Variants in RNF216 observed in about 807,000 individuals in gnomAD.
RNF216 encodes the protein ring finger protein 216, also known as E3 ubiquitin-protein ligase RNF216.
RNF216 carries 72 observed loss-of-function variants against 110.8 expected under a neutral mutation model. The ratio of observed to expected loss-of-function variants is 0.65; its 90% confidence interval spans 0.54 to 0.79. The LOEUF (loss-of-function observed/expected upper bound fraction) is 0.79. Ranked by LOEUF, RNF216 falls within the 30% of genes least tolerant of loss-of-function variation. The pLI, the probability that RNF216 is intolerant of heterozygous loss-of-function variation, is 0.00. For missense variants in RNF216, 1,342 were observed against 1,141.2 expected (o/e 1.18, Z -2.54); for synonymous variants, 495 against 407.5 (o/e 1.21, Z -2.59).
intron 14 of RNF216, among the ~76,000 whole-genome samples, chr7:5,651,541 T>C (rs1442491608): frequency 6.6e-6 from 1 of 152,094 alleles, no homozygotes; most frequent in Non-Finnish European, 1.5e-5. Flanking sequence ...TGTGAGACAA[T>C]CTCTGAATAA....
At chr7:5,667,254 C>T (rs909002490) in intron 13 of RNF216, among the ~76,000 whole-genome samples, 2 of 152,150 alleles carry the variant, frequency 1.3e-5, no homozygotes, top group African/African-American at 4.8e-5. Context: ...TGTTTCTGTT[C>T]CACCTATATT....
chr7:5,773,729 G>C (rs1298474044), intron 1 of RNF216, among the ~76,000 whole-genome samples: 1 of 151,952 alleles, frequency 6.6e-6, no homozygotes, highest in African/African-American at 2.4e-5. Flanking sequence ...CCACCATGCT[G>C]GTTAATTTTT....
intron 13 of RNF216, among the ~76,000 whole-genome samples, chr7:5,702,309 T>C (rs1475709409): frequency 1.3e-5 from 2 of 152,160 alleles, no homozygotes; most frequent in African/African-American, 4.8e-5. Context: ...GCTTCTACCA[T>C]TAGCATCTGA....
Position 5,622,438 on chromosome 7 carries a change from A to T in RNF216, c.*422T>A. ...CCTGAGCAATGCTTCCCAGGCCCGCAGGTGCAGCCCCCTCTGCCCTTGGCC... is the reference window on the plus strand; with the variant it reads ...CCTGAGCAATGCTTCCCAGGCCCGCTGGTGCAGCCCCCTCTGCCCTTGGCC... On this transcript the variant is annotated 3_prime_UTR_variant, in exon 17 of 17. Transcript: ENST00000389902. 6.1e-6 allele frequency: 1 copy of T among 163,056 alleles called. No individual in the cohort carries two copies. The highest frequency in any genetic ancestry group is 1.3e-5 in the Non-Finnish European group (1 of 75,570). 10.1% of individuals were successfully genotyped at this position (163,056 alleles called of 1,614,324 possible).
chr7:5,712,074 G>A (rs1792737559), intron 12 of RNF216, among the ~76,000 whole-genome samples: 1 of 152,112 alleles, frequency 6.6e-6, no homozygotes, highest in South Asian at 2.1e-4. Context: ...CAATAAACAC[G>A]TCCCAACCTT....
intron 9 of RNF216, among the ~76,000 whole-genome samples, chr7:5,717,007 A>G (rs911185921): frequency 3.3e-5 from 5 of 152,198 alleles, no homozygotes; most frequent in African/African-American, 1.2e-4. Context: ...GCTGACACAT[A>G]AAACACTTTG....
At chr7:5,763,091 G>T (rs1005442017) in intron 1 of RNF216, among the ~76,000 whole-genome samples, 1 of 152,048 alleles carries the variant, frequency 6.6e-6, no homozygotes, top group Non-Finnish European at 1.5e-5. Flanking sequence ...TTTGGGAAAT[G>T]GACTCATATG....
At position 5,654,907 on chromosome 7, in the gene RNF216, A is replaced by G. The variant is rs998299030; in HGVS notation, c.2062-2397T>C. On this transcript the variant is annotated intron_variant, in intron 13 of 16. Transcript: ENST00000389902. ...TACAGCAGCACAAACCCATTTTTAT[A>G]AGAAACAAACCCTGTGCCTGACTAT... 1.2e-4 allele frequency among the ~76,000 whole-genome samples: 18 copies of G among 152,202 alleles called. 2 individuals carry two copies. The highest frequency in any genetic ancestry group is 8.5e-4 in the Admixed American group (13 of 15,282).
intron 13 of RNF216, among the ~76,000 whole-genome samples, chr7:5,672,402 G>C (rs1262299048): frequency 6.6e-6 from 1 of 152,180 alleles, no homozygotes; most frequent in East Asian, 1.9e-4. Flanking sequence ...GGAGAGTTAT[G>C]TTTGTTAAAT....
intron 13 of RNF216, among the ~76,000 whole-genome samples, chr7:5,694,445 G>A (rs1791507760): frequency 6.6e-6 from 1 of 152,108 alleles, no homozygotes; most frequent in African/African-American, 2.4e-5. Context: ...TGAAATCCCT[G>A]CTTTCCTCCA....
At chr7:5,756,019 T>G (rs543221962) in intron 2 of RNF216, among the ~76,000 whole-genome samples, 1 of 152,264 alleles carries the variant, frequency 6.6e-6, no homozygotes, top group Admixed American at 6.5e-5. Context: ...AATCTCATCT[T>G]GAATTGTAAT....
At chr7:5,706,893 G>T (rs1399284048) in intron 13 of RNF216, among the ~76,000 whole-genome samples, 6 of 152,120 alleles carry the variant, frequency 3.9e-5, no homozygotes, top group African/African-American at 1.4e-4. Flanking sequence ...AGTTTTTATA[G>T]TTTCAGGTCT....
intron 13 of RNF216, among the ~76,000 whole-genome samples, chr7:5,661,439 C>G (rs1409926870): frequency 6.6e-6 from 1 of 152,206 alleles, no homozygotes; most frequent in Non-Finnish European, 1.5e-5. Flanking sequence ...ACAAAGGGTG[C>G]TTTGCATACA....
intron 4 of RNF216, 139 bp from the exon 5 acceptor site, chr7:5,739,491 A>T (rs560630731): frequency 2.5e-6 from 2 of 814,182 alleles, no homozygotes; most frequent in Admixed American, 4.1e-5. Flanking sequence ...GTGTGTCTTC[A>T]AATTCAACAC....
intron 5 of RNF216, among the ~76,000 whole-genome samples, 199 bp downstream of exon 5, chr7:5,739,077 T>G (rs1023370444): frequency 1.3e-5 from 2 of 152,044 alleles, no homozygotes; most frequent in Non-Finnish European, 2.9e-5. Context: ...GGGGAGTGAG[T>G]GTTTAATGCG....
chr7:5,685,766 G>A (rs1205871346), intron 13 of RNF216, among the ~76,000 whole-genome samples: 2 of 152,096 alleles, frequency 1.3e-5, no homozygotes, highest in African/African-American at 4.8e-5. Context: ...ATTCATCTTG[G>A]GAAAAGAGCT....
At chr7:5,626,242 A>G (rs1382504932) in intron 15 of RNF216, among the ~76,000 whole-genome samples, 3 of 152,072 alleles carry the variant, frequency 2.0e-5, no homozygotes, top group Non-Finnish European at 4.4e-5. Context: ...TACTACCTTC[A>G]ACATAATCAC....
chr7:5,709,340 G>C (rs777726854), intron 13 of RNF216, among the ~76,000 whole-genome samples: 1 of 152,330 alleles, frequency 6.6e-6, no homozygotes, highest in South Asian at 2.1e-4. Context: ...TGCTGTGCCA[G>C]GGGGAGGAAC....
chr7:5,654,271 C>T (rs1156517785), intron 13 of RNF216, among the ~76,000 whole-genome samples: 1 of 151,892 alleles, frequency 6.6e-6, no homozygotes, highest in African/African-American at 2.4e-5. Context: ...TTTGTACATT[C>T]TGAATTTTAT....
Sources: allele counts gnomAD v4.1 joint callset (sites outside exome capture counted in the v4.1 genomes callset), GRCh38; gene constraint gnomAD v4.1.1; transcripts MANE v1.5; gene names NCBI Gene and HGNC (gene_info 2026-07-23, HGNC 2026-07-21).